Variants in SPEG observed in about 807,000 individuals in gnomAD.
The protein encoded by SPEG is striated muscle enriched protein kinase.
In SPEG, 114 loss-of-function variants were observed where a neutral mutation model predicts 300.4. That is an observed-to-expected ratio of 0.38 (90% CI 0.33 to 0.44). The LOEUF (loss-of-function observed/expected upper bound fraction) is 0.44. Among genes scored for constraint, SPEG ranks in the 20% least tolerant of loss-of-function variants. SPEG has a pLI of 1.00. For synonymous variants in SPEG, 1,964 were observed against 2,018.9 expected (o/e 0.97, Z 0.73); for missense variants, 4,201 against 4,586.2 (o/e 0.92, Z 2.43).
At position 219,491,952 on chromosome 2, in the gene SPEG, C is replaced by T. The variant is rs139726635; in HGVS notation, c.9461+83C>T. ...CACCTTCTGCCAACACCCTCTCCCC[C>T]GTGCCCCACCTCCCCTGTACACACA... On this transcript the variant is annotated intron_variant, in intron 39 of 40. Transcript: ENST00000312358. 6.6e-4 allele frequency: 903 copies of T among 1,368,238 alleles called. 6 individuals are homozygous for T. The African/African-American group carries it at 0.011, about 16-fold the overall frequency. 84.8% of individuals were successfully genotyped at this position (1,368,238 alleles called of 1,614,324 possible).
chr2:219,477,467 A>T lies in SPEG; in HGVS notation c.4729+22A>T. 6.4e-7 allele frequency: 1 copy of T among 1,553,686 alleles called. No homozygotes were observed. The highest frequency in any genetic ancestry group is 8.7e-7 in the Non-Finnish European group (1 of 1,147,756). On this transcript the variant is annotated intron_variant, in intron 20 of 40. Coordinates refer to ENST00000312358, the MANE Select transcript of SPEG (RefSeq NM_005876.5). The surrounding 1 kb of genome is among the most constrained non-coding windows in gnomAD (Gnocchi z 6.4). ...TCAGGTAGGCAGGAGTTCCGGAGAA[A>T]GGTAAAGCGCACACCCCCTGGAATC...
rs987658379 is a variant in SPEG at position 219,478,095 on chromosome 2, G to T, written c.5017G>T (p.Val1673Phe). The change falls in exon 22 of 41, where the codon GTC becomes TTC. Residue 1673 changes from valine (V) to phenylalanine (F), a missense_variant. Physicochemically the swap from Val to Phe is conservative, Grantham distance 50 (BLOSUM62 -1). Around this residue, in one of 4 missense-constraint regions of SPEG, gnomAD observed 1,047 missense variants for 1,356.8 expected, o/e 0.77. Transcript: ENST00000312358. ...CGAGAGGCGCCGGGGACTGGTCATTGTCACCGAGCTGTATCCTGGGACAGG... is the reference window on the plus strand; with the variant it reads ...CGAGAGGCGCCGGGGACTGGTCATTTTCACCGAGCTGTATCCTGGGACAGG... ...AFERRRGLVI[V>F]TELCTEELLE... 1 of 1,613,716 alleles carries T rather than the reference G, an allele frequency of 6.2e-7. No homozygotes were observed. Among genetic ancestry groups the T allele is most frequent in the Non-Finnish European group, 8.5e-7 (1 of 1,179,760 alleles).
Position 219,459,504 on chromosome 2 carries a change from T to C in SPEG, c.2441-2378T>C, listed in dbSNP as rs924718353. Among the ~76,000 whole-genome samples the C allele has an allele frequency of 6.6e-6, 1 of 152,196 alleles. No homozygotes were observed. Among genetic ancestry groups the C allele is most frequent in the Non-Finnish European group, 1.5e-5 (1 of 68,020 alleles). On this transcript the variant is annotated intron_variant, in intron 6 of 40. Transcript: ENST00000312358. This position sits in a 1 kb window ranked among gnomAD's most constrained non-coding sequence, Gnocchi z 4.9. ...AGAGGCCTGGGCTGCTCTGACAGTC[T>C]GTCTCTCCAAGGGGCTTGAGGATGG...
Position 219,480,944 on chromosome 2 carries a change from G to C in SPEG, c.5369+247G>C, listed in dbSNP as rs1390326764. Among the ~76,000 whole-genome samples, 1 of 152,072 alleles carries C rather than the reference G, an allele frequency of 6.6e-6. No individual in the cohort carries two copies. Among genetic ancestry groups the C allele is most frequent in the Non-Finnish European group, 1.5e-5 (1 of 68,004 alleles). On this transcript the variant is annotated intron_variant, in intron 26 of 40. Coordinates refer to ENST00000312358, the MANE Select transcript of SPEG (RefSeq NM_005876.5). This position sits in a 1 kb window ranked among gnomAD's most constrained non-coding sequence, Gnocchi z 5.3. ...CGCAGGCTCAGGGCCATGGAGGCAG[G>C]GAACTCCTTGGCTCTGAGTGTCCAA...
In SPEG at chr2:219,445,515, G is replaced by C. The variant is rs965375547; in HGVS notation, c.815+354G>C. On this transcript the variant is annotated intron_variant, in intron 3 of 40. Transcript: ENST00000312358. This position sits in a 1 kb window ranked among gnomAD's most constrained non-coding sequence, Gnocchi z 6.1. ...CCAGGATCCCTCCCCCGACCCGGGG[G>C]CCCCCTTGGTGCCTGCTGTCTCAGC... The C allele has an allele frequency of 7.5e-5, 27 of 357,772 alleles. No individual in the cohort carries two copies. Among genetic ancestry groups the C allele is most frequent in the African/African-American group, 5.5e-4 (26 of 47,260 alleles). 22.2% of individuals were successfully genotyped at this position (357,772 alleles called of 1,614,324 possible).
In SPEG at chr2:219,484,195, C is replaced by T; in HGVS notation, c.6732C>T (p.Pro2244=). Residue 2244 remains proline, a synonymous_variant, in exon 30 of 41, where the codon CCC becomes CCT. Coordinates refer to ENST00000312358, the MANE Select transcript of SPEG (RefSeq NM_005876.5). ...AAACCCTAGCGCTGCCCCTCACACC[C>T]TATGCTCAGATCATTCAGTCCCTCC... is the stretch of plus-strand genomic sequence containing the variant. ...ALQTLALPLT[P]YAQIIQSLQL... is the part of the protein sequence containing the mutation. 6.2e-7 allele frequency: 1 copy of T among 1,612,786 alleles called. No individual in the cohort carries two copies. Among genetic ancestry groups the T allele is most frequent in the Non-Finnish European group, 8.5e-7 (1 of 1,179,830 alleles).
At position 219,435,123 on chromosome 2, in the gene SPEG, T is replaced by G. The variant is rs995471373; in HGVS notation, c.146T>G (p.Leu49Arg). Residue 49 changes from leucine (L) to arginine (R), a missense_variant, in exon 1 of 41, where the codon CTG becomes CGG. Physicochemically the swap from Leu to Arg is moderately radical, Grantham distance 102 (BLOSUM62 -2). Coordinates refer to ENST00000312358, the MANE Select transcript of SPEG (RefSeq NM_005876.5). ...GGGGCGCCAGTCTTCCTGCGGCCCC[T>G]GAAGAACGCGGCGGTGTGCGCGGGC... Reference protein sequence around the residue: ...VAGAPVFLRPLKNAAVCAGSD... With the variant: ...VAGAPVFLRPRKNAAVCAGSD... The G allele has an allele frequency of 2.1e-6, 3 of 1,457,082 alleles. No individual in the cohort carries two copies. Among genetic ancestry groups the G allele is most frequent in the Non-Finnish European group, 2.7e-6 (3 of 1,115,442 alleles). The allele number at this position is 1,457,082 out of a possible 1,614,324, so 90.3% of individuals were successfully genotyped here. A position where few individuals can be genotyped will look rare whatever the true frequency, so the allele number is the denominator to read the frequency against.
At chr2:219,441,051 T>C (rs1575033500) in intron 1 of SPEG, among the ~76,000 whole-genome samples, 1 of 152,226 alleles carries the variant, frequency 6.6e-6, no homozygotes, top group Admixed American at 6.5e-5. Context: ...TCATAAGGGT[T>C]TCCAGCTCAT....
At chr2:219,469,430 CTTGCAA>C in intron 13 of SPEG, 51 bp downstream of exon 13, 1 of 1,412,260 alleles carries the variant, frequency 7.1e-7, no homozygotes, top group Non-Finnish European at 9.8e-7. Context: ...ACCCACTTGG[CTTGCAA>C]TGCCCTGCCC....
rs1234199619 is a variant in SPEG, at chr2:219,488,237, G to A, written c.7785G>A (p.Leu2595=). 1 of 1,613,760 alleles carries A rather than the reference G, an allele frequency of 6.2e-7. No individual in the cohort carries two copies. The highest frequency in any genetic ancestry group is 1.7e-5 in the Admixed American group (1 of 59,982). The change falls in exon 32 of 41, where the codon CTG becomes CTA. Residue 2595 remains leucine, a synonymous_variant. Coordinates refer to ENST00000312358, the MANE Select transcript of SPEG (RefSeq NM_005876.5). ...ACATCAAACTCAAGGACCAGGTGCT[G>A]CTGGAGGGGGAGGCAGCCACCCTGC... The part of the protein sequence containing the change: ...VFHIKLKDQV[L]LEGEAATLLC...
At chr2:219,455,583 C>G (rs1690112674) in intron 6 of SPEG, among the ~76,000 whole-genome samples, 1 of 152,234 alleles carries the variant, frequency 6.6e-6, no homozygotes, top group African/African-American at 2.4e-5. Flanking sequence ...GATTTGAAAC[C>G]CTGTCTCGGT....
At chr2:219,435,588 G>A (rs1230380945) in intron 1 of SPEG, among the ~76,000 whole-genome samples, 1 of 152,236 alleles carries the variant, frequency 6.6e-6, no homozygotes, top group Non-Finnish European at 1.5e-5. Context: ...CAGAGGTCAA[G>A]GGGCAGCAAG....
chr2:219,465,882 T>C, intron 9 of SPEG: 1 of 632,430 alleles, frequency 1.6e-6, no homozygotes, highest in South Asian at 1.8e-5. Context: ...TGTGCGTGCG[T>C]GTGCATGTGT....
Position 219,459,061 on chromosome 2 carries a change from C to A in SPEG, c.2441-2821C>A, listed in dbSNP as rs562215597. Among the ~76,000 whole-genome samples the A allele has an allele frequency of 1.3e-5, 2 of 152,266 alleles. No individual in the cohort carries two copies. Among genetic ancestry groups the A allele is most frequent in the East Asian group, 3.9e-4 (2 of 5,174 alleles). On this transcript the variant is annotated intron_variant, in intron 6 of 40. Coordinates refer to ENST00000312358, the MANE Select transcript of SPEG (RefSeq NM_005876.5). The surrounding 1 kb of genome is among the most constrained non-coding windows in gnomAD (Gnocchi z 4.9). ...GTGCTGGTCTGAGGAGAGGGAGTTC[C>A]CTGTGTGCTTCCTAACGCCAGTATT...
In SPEG at chr2:219,484,133, C is replaced by G; in HGVS notation, c.6670C>G (p.Arg2224Gly). Residue 2224 changes from arginine to glycine, a missense_variant, in exon 30 of 41, where the codon CGA (arginine) becomes GGA (glycine). By Grantham distance (125) the Arg-to-Gly change is moderately radical (BLOSUM62 -2). Around this residue, in one of 4 missense-constraint regions of SPEG, gnomAD observed 1,578 missense variants for 1,506.0 expected, o/e 1.05. Coordinates refer to ENST00000312358, the MANE Select transcript of SPEG (RefSeq NM_005876.5). ...TCCAGAGCCCAGGCCAGAACCAGTC[C>G]GAGCCTCCAAGCCTGCACCACCCCC... ...KAPEPRPEPV[R>G]ASKPAPPPQA... The G allele has an allele frequency of 2.5e-6, 4 of 1,613,432 alleles. No individual in the cohort carries two copies. Among genetic ancestry groups the G allele is most frequent in the Non-Finnish European group, 3.4e-6 (4 of 1,179,970 alleles).
At position 219,484,288 on chromosome 2, in the gene SPEG, C is replaced by G. The variant is rs753319664; in HGVS notation, c.6825C>G (p.His2275Gln). 6.2e-7 allele frequency: 1 copy of G among 1,607,824 alleles called. No individual in the cohort carries two copies. The highest frequency in any genetic ancestry group is 8.5e-7 in the Non-Finnish European group (1 of 1,179,452). ...PAAPPSEPKP[H>Q]AAVFARVASP... ...CGCCGCCTTCAGAGCCCAAGCCCCA[C>G]GCTGCTGTCTTTGCCAGGGTGGCCT... Residue 2275 changes from histidine to glutamine, a missense_variant, in exon 30 of 41, where the codon CAC becomes CAG. Physicochemically the swap from His to Gln is conservative, Grantham distance 24. Around this residue, in one of 4 missense-constraint regions of SPEG, gnomAD observed 1,578 missense variants for 1,506.0 expected, o/e 1.05. Coordinates refer to ENST00000312358, the MANE Select transcript of SPEG (RefSeq NM_005876.5).
intron 31 of SPEG, among the ~76,000 whole-genome samples, chr2:219,487,145 G>T (rs1693510284): frequency 6.6e-6 from 1 of 152,054 alleles, no homozygotes; most frequent in African/African-American, 2.4e-5. Context: ...GGCCCAGCTG[G>T]GATTCTTCTA....
intron 6 of SPEG, chr2:219,460,709 T>G: frequency 2.0e-6 from 2 of 984,154 alleles, no homozygotes; most frequent in Non-Finnish European, 2.4e-6. Context: ...GGGCCCAGGC[T>G]GCCTGTGGTC....
intron 9 of SPEG, chr2:219,466,868 T>G: frequency 1.8e-6 from 2 of 1,129,306 alleles, no homozygotes. Flanking sequence ...ACCTATCTGG[T>G]GTGTTGTGTT....
Sources: allele counts gnomAD v4.1 joint callset (sites outside exome capture counted in the v4.1 genomes callset), GRCh38; gene constraint gnomAD v4.1.1; regional missense constraint gnomAD v4.1.1; non-coding constraint Gnocchi (gnomAD v3.1); transcripts MANE v1.5; gene names NCBI Gene and HGNC (gene_info 2026-07-23, HGNC 2026-07-21).